The following PTPRS variants were observed in gnomAD, a reference collection of about 807,000 sequenced individuals.
PTPRS encodes protein tyrosine phosphatase receptor type S.
In PTPRS, 63 loss-of-function variants were observed where a neutral mutation model predicts 215.3. The observed-to-expected ratio is 0.29, with a 90% CI of 0.24 to 0.36. The LOEUF (loss-of-function observed/expected upper bound fraction) is 0.36, where lower values mean the gene tolerates loss of function less well. Ranked by LOEUF, PTPRS falls within the 10% of genes least tolerant of loss-of-function variation. The pLI is 1.00. For synonymous variants in PTPRS, 1,404 were observed against 1,191.4 expected, an observed-to-expected ratio of 1.18 and a Z score of -3.68; for missense variants, 2,258 against 2,825.8, an observed-to-expected ratio of 0.80 and a Z score of 4.56.
At chr19:5,319,343 G>A (rs1302684940) in intron 1 of PTPRS, among the ~76,000 whole-genome samples, 1 of 152,052 alleles carries the variant, frequency 6.6e-6, no homozygotes, top group Non-Finnish European at 1.5e-5. Flanking sequence ...CCCAGGAGGT[G>A]GAGGTTGCAG....
chr19:5,312,522 G>A (rs569721275), intron 1 of PTPRS, among the ~76,000 whole-genome samples: 10 of 152,062 alleles, frequency 6.6e-5, no homozygotes, highest in Non-Finnish European at 8.8e-5. Flanking sequence ...TTAGCCAGGC[G>A]TGGTGGCGCA....
At position 5,287,032 on chromosome 19, in the gene PTPRS, C is replaced by T. The variant is rs781745462; in HGVS notation, c.-94-798G>A. 1.3e-5 allele frequency among the ~76,000 whole-genome samples: 2 copies of T among 152,214 alleles called. No homozygotes were observed. Among genetic ancestry groups the T allele is most frequent in the South Asian group, 2.1e-4 (1 of 4,832 alleles). On this transcript the variant is annotated intron_variant, in intron 1 of 37. Transcript: ENST00000262963. This position sits in a 1 kb window ranked among gnomAD's most constrained non-coding sequence, Gnocchi z 4.8. ...AGACAAATCTCTTCCACACACCTGC[C>T]TGTCCCTGCCCTGCTCTAAGACCTC...
intron 17 of PTPRS, among the ~76,000 whole-genome samples, chr19:5,223,687 C>T (rs952097853): frequency 2.3e-4 from 35 of 151,586 alleles, no homozygotes; most frequent in African/African-American, 7.0e-4. Context: ...CTCAGCCTCC[C>T]GAGCAGCTGG....
At chr19:5,303,596 GCAGAGAGGGGGGCTGGTC>G (rs1032469771) in intron 1 of PTPRS, among the ~76,000 whole-genome samples, 50 of 152,170 alleles carry the variant, frequency 3.3e-4, no homozygotes, top group African/African-American at 1.1e-3. Flanking sequence ...GGGGACTGGT[GCAGAGAGGGGGGCTGGTC>G]CAGAGAGCGG....
intron 14 of PTPRS, among the ~76,000 whole-genome samples, chr19:5,229,905 G>GCC (rs113109821): frequency 0.028 from 4,162 of 148,350 alleles, 88 homozygotes; most frequent in Admixed American, 0.065. Context: ...GATCCAGGCT[G>GCC]CCCCCCCCCG....
At chr19:5,275,784 C>T (rs975290338) in intron 2 of PTPRS, among the ~76,000 whole-genome samples, 18 of 152,066 alleles carry the variant, frequency 1.2e-4, no homozygotes, top group Non-Finnish European at 1.9e-4. Flanking sequence ...TCAACCTGGG[C>T]GACAGAGTGA....
At position 5,214,704 on chromosome 19, in the gene PTPRS, A is replaced by G; in HGVS notation, c.4351T>C (p.Tyr1451His). ...TTCTGACACCGGTAGCCGTCCACGT[A>G]GTTGGCATTGATGTAATCACTGCCC... ...IMGSDYINAN[Y>H]VDGYRCQNAY... The change falls in exon 29 of 38, where the codon TAC becomes CAC. Residue 1451 changes from tyrosine to histidine, a missense_variant. Physicochemically the swap from Tyr to His is moderately conservative, Grantham distance 83. Coordinates refer to ENST00000262963, the MANE Select transcript of PTPRS (RefSeq NM_002850.4). 6.2e-7 allele frequency: 1 copy of G among 1,612,008 alleles called. No homozygotes were observed. Among genetic ancestry groups the G allele is most frequent in the Non-Finnish European group, 8.5e-7 (1 of 1,179,142 alleles).
At chr19:5,334,968 C>G (rs1398703622) in intron 1 of PTPRS, among the ~76,000 whole-genome samples, 1 of 152,232 alleles carries the variant, frequency 6.6e-6, no homozygotes, top group Non-Finnish European at 1.5e-5. Flanking sequence ...ATTATCCCCC[C>G]GACATCCCCT....
rs1321214567 is a variant in PTPRS, at chr19:5,240,243, T to G, written c.1660A>C (p.Ile554Leu). The change falls in exon 12 of 38, where the codon ATC becomes CTC. Residue 554 changes from isoleucine to leucine, a missense_variant. Physicochemically the swap from Ile to Leu is conservative, Grantham distance 5. Around this residue, in one of 6 missense-constraint regions of PTPRS, gnomAD observed 508 missense variants for 799.4 expected, o/e 0.64. Transcript: ENST00000262963. The part of the protein sequence containing the change: ...SWSPPRQESI[I>L]KYELLFREGD... ...TCCCGGAAGAGGAGCTCGTACTTGA[T>G]GATACTCTCCTGCCGCGGGGGGCTC... 1 of 1,575,486 alleles carries G rather than the reference T, an allele frequency of 6.3e-7. No individual in the cohort carries two copies. The highest frequency in any genetic ancestry group is 2.3e-5 in the East Asian group (1 of 43,072).
chr19:5,221,626 C>T (rs1194093044), intron 19 of PTPRS, among the ~76,000 whole-genome samples: 1 of 152,098 alleles, frequency 6.6e-6, no homozygotes, highest in African/African-American at 2.4e-5. Context: ...TGGAAACCCA[C>T]CTCTGAGACC....
chr19:5,211,957 G>T lies in PTPRS; in HGVS notation c.5055+8C>A, dbSNP rs746646983. 1.3e-6 allele frequency: 2 copies of T among 1,585,250 alleles called. No individual in the cohort carries two copies. The highest frequency in any genetic ancestry group is 1.7e-6 in the Non-Finnish European group (2 of 1,167,028). On this transcript the variant is annotated splice_region_variant and intron_variant, in intron 32 of 37. Transcript: ENST00000262963. ...CCCCGCCCACAGCAGCCTCCACCCCGCTGGCACCTTGAACTCGAGTTCCAT... is the reference window on the plus strand; with the variant it reads ...CCCCGCCCACAGCAGCCTCCACCCCTCTGGCACCTTGAACTCGAGTTCCAT...
At chr19:5,241,067 T>C (rs2044000509) in intron 11 of PTPRS, among the ~76,000 whole-genome samples, 1 of 150,876 alleles carries the variant, frequency 6.6e-6, no homozygotes, top group South Asian at 2.1e-4. Flanking sequence ...CTTTTGTATT[T>C]TTAGTAGAGA....
intron 1 of PTPRS, among the ~76,000 whole-genome samples, chr19:5,312,968 G>A (rs749325288): frequency 2.6e-5 from 4 of 152,206 alleles, no homozygotes; most frequent in South Asian, 2.1e-4. Flanking sequence ...AGGCTGGAGT[G>A]CAGAGGCACG....
intron 1 of PTPRS, among the ~76,000 whole-genome samples, chr19:5,297,567 G>A (rs373994116): frequency 1.3e-5 from 2 of 152,154 alleles, no homozygotes; most frequent in African/African-American, 4.8e-5. Flanking sequence ...GCCGGGCAGT[G>A]CTAAGAGATG....
Position 5,220,372 on chromosome 19 carries a change from GAGTC to G in PTPRS, c.3456-23_3456-20del, listed in dbSNP as rs779085804. ...ATAGCTCCTGTAGGGAGATGGGAAA[GAGTC>G]AGAGGGGCTGTCGATAGGGATGACC... On this transcript the variant is annotated intron_variant, in intron 20 of 37. Coordinates refer to ENST00000262963, the MANE Select transcript of PTPRS (RefSeq NM_002850.4). 4 of 1,600,018 alleles carry G rather than the reference GAGTC, an allele frequency of 2.5e-6. No individual in the cohort carries two copies. The highest frequency in any genetic ancestry group is 3.4e-6 in the Non-Finnish European group (4 of 1,168,694).
chr19:5,206,307 TAC>T lies in PTPRS; in HGVS notation c.*465_*466del, dbSNP rs2040363698. On this transcript the variant is annotated 3_prime_UTR_variant, in exon 38 of 38. Coordinates refer to ENST00000262963, the MANE Select transcript of PTPRS (RefSeq NM_002850.4). The stretch of plus-strand genomic sequence containing the variant: ...TTAAAAAAAATGAAATGTCACGGGA[TAC>T]AGTTACACTGAGAGTTTTAAAAGAA... 3 of 226,814 alleles carry T rather than the reference TAC, an allele frequency of 1.3e-5. 1 individual carries two copies. The Admixed American group carries it at 1.7e-4, about 13-fold the overall frequency. 14.1% of individuals were successfully genotyped at this position (226,814 alleles called of 1,614,324 possible).
chr19:5,296,501 T>TA (rs1431935701), intron 1 of PTPRS, among the ~76,000 whole-genome samples: 1 of 151,788 alleles, frequency 6.6e-6, no homozygotes, highest in South Asian at 2.1e-4. Context: ...ACTCTATCTC[T>TA]AAAAAAATGT....
rs1164303227 is a variant in PTPRS at position 5,338,517 on chromosome 19, G to A, written c.-95+2147C>T. Among the ~76,000 whole-genome samples, 1 of 152,222 alleles carries A rather than the reference G, an allele frequency of 6.6e-6. No individual in the cohort carries two copies. Among genetic ancestry groups the A allele is most frequent in the African/African-American group, 2.4e-5 (1 of 41,464 alleles). On this transcript the variant is annotated intron_variant, in intron 1 of 37. Coordinates refer to ENST00000262963, the MANE Select transcript of PTPRS (RefSeq NM_002850.4). This position sits in a 1 kb window ranked among gnomAD's most constrained non-coding sequence, Gnocchi z 4.2. ...AAGGCTTTGTGGAGGGCAGCGGGGG[G>A]GTAGGGGAGGGATGCCCAGGTGGGG... is the stretch of plus-strand genomic sequence containing the variant.
intron 21 of PTPRS, 43 bp from the exon 22 acceptor site, chr19:5,220,197 G>A (rs755467792): frequency 6.2e-7 from 1 of 1,608,086 alleles, no homozygotes; most frequent in Admixed American, 1.7e-5. Flanking sequence ...TCAGCTGGGA[G>A]CAACAGAGCA....
Sources: gnomAD v4.1 joint callset for allele counts (sites outside exome capture counted in the v4.1 genomes callset) on GRCh38, gnomAD v4.1.1 for gene constraint, gnomAD v4.1.1 regional missense constraint, Gnocchi (gnomAD v3.1) non-coding constraint, MANE v1.5 for transcripts, NCBI Gene and HGNC (gene_info 2026-07-23, HGNC 2026-07-21) for gene names.